The following SYNJ2BP variants were observed in gnomAD, a reference collection of about 807,000 sequenced individuals.
The protein encoded by SYNJ2BP is synaptojanin 2 binding protein.
A neutral mutation model predicts 16.9 loss-of-function variants in SYNJ2BP; 10 were observed. That is an observed-to-expected ratio of 0.59 (90% CI 0.36 to 1.00). SYNJ2BP has a LOEUF of 1.00. Among genes scored for constraint, SYNJ2BP ranks in the 50% least tolerant of loss-of-function variants. The pLI is 0.01. For synonymous variants in SYNJ2BP, 54 were observed against 68.4 expected (o/e 0.79, Z 1.04); for missense variants, 162 against 186.7 (o/e 0.87, Z 0.77).
At chr14:70,389,187 T>G (rs974269973) in intron 1 of SYNJ2BP, among the ~76,000 whole-genome samples, 1 of 152,200 alleles carries the variant, frequency 6.6e-6, no homozygotes, top group Admixed American at 6.5e-5. Context: ...ACATTCCTGA[T>G]ATTACTACAG....
rs994010744 is a variant in SYNJ2BP, at chr14:70,368,792, T to C, written c.*4199A>G. ...AATAGTGTCTTGTTTAAATGCTATA[T>C]AACATTTTCAACTGCGGCTGCACAC... is the stretch of plus-strand genomic sequence containing the variant. On this transcript the variant is annotated 3_prime_UTR_variant, in exon 4 of 4. Coordinates refer to ENST00000256366, the MANE Select transcript of SYNJ2BP (RefSeq NM_018373.3). 6.6e-6 allele frequency: 1 copy of C among 152,220 alleles called. No homozygotes were observed. The highest frequency in any genetic ancestry group is 1.5e-5 in the Non-Finnish European group (1 of 68,036). 9.4% of individuals were successfully genotyped at this position (152,220 alleles called of 1,614,324 possible). A position where few individuals can be genotyped will look rare whatever the true frequency, so the allele number is the denominator to read the frequency against.
intron 2 of SYNJ2BP, among the ~76,000 whole-genome samples, chr14:70,379,214 G>C (rs1238186935): frequency 1.3e-5 from 2 of 152,106 alleles, no homozygotes; most frequent in African/African-American, 4.8e-5. Context: ...TCAAATACTA[G>C]GTCTCCAGAT....
intron 1 of SYNJ2BP, 128 bp from the exon 2 acceptor site, chr14:70,388,734 T>C: frequency 7.6e-7 from 1 of 1,315,966 alleles, no homozygotes; most frequent in Non-Finnish European, 9.7e-7. Context: ...TGCTGGCGAG[T>C]CAGCCTGTGA....
intron 1 of SYNJ2BP, among the ~76,000 whole-genome samples, chr14:70,389,097 C>A (rs1206326647): frequency 6.6e-6 from 1 of 151,954 alleles, no homozygotes; most frequent in Non-Finnish European, 1.5e-5. Context: ...TGTGAGCCAC[C>A]ATGCCCAGCC....
intron 1 of SYNJ2BP, among the ~76,000 whole-genome samples, chr14:70,403,377 T>C (rs1485451914): frequency 6.6e-6 from 1 of 152,192 alleles, no homozygotes; most frequent in Non-Finnish European, 1.5e-5. Flanking sequence ...CCATCTTGAA[T>C]AGGAGCTAGG....
At chr14:70,410,379 G>A (rs895148064) in intron 1 of SYNJ2BP, among the ~76,000 whole-genome samples, 4 of 152,172 alleles carry the variant, frequency 2.6e-5, no homozygotes, top group South Asian at 2.1e-4. Context: ...AGCCAAGATC[G>A]TGCCACTGCA....
chr14:70,401,525 C>CTTTTT (rs71105709), intron 1 of SYNJ2BP, among the ~76,000 whole-genome samples: 3 of 126,884 alleles, frequency 2.4e-5, no homozygotes, highest in East Asian at 2.3e-4. Context: ...TGGTTCTTGG[C>CTTTTT]TTTTTTTTTT....
Position 70,368,773 on chromosome 14 carries a change from G to A in SYNJ2BP, c.*4218C>T, listed in dbSNP as rs537399202. On this transcript the variant is annotated 3_prime_UTR_variant, in exon 4 of 4. Coordinates refer to ENST00000256366, the MANE Select transcript of SYNJ2BP (RefSeq NM_018373.3). ...TTTAAATAGTGTTTAATTAAATAGT[G>A]TCTTGTTTAAATGCTATATAACATT... 1 of 152,270 alleles carries A rather than the reference G, an allele frequency of 6.6e-6. No homozygotes were observed. Among genetic ancestry groups the A allele is most frequent in the African/African-American group, 2.4e-5 (1 of 41,546 alleles). The allele number at this position is 152,270 out of a possible 1,614,324, so 9.4% of individuals were successfully genotyped here.
intron 2 of SYNJ2BP, among the ~76,000 whole-genome samples, chr14:70,385,811 G>C (rs1887848180): frequency 2.6e-5 from 4 of 152,060 alleles, no homozygotes; most frequent in Admixed American, 2.0e-4. Context: ...TAACATAGTG[G>C]TTTAAAAAAA....
chr14:70,397,270 A>T (rs915551218), intron 1 of SYNJ2BP, among the ~76,000 whole-genome samples: 6 of 152,126 alleles, frequency 3.9e-5, no homozygotes, highest in African/African-American at 1.4e-4. Flanking sequence ...TGTTCTATAT[A>T]TATATATACG....
intron 1 of SYNJ2BP, among the ~76,000 whole-genome samples, chr14:70,391,377 T>C (rs1887977991): frequency 6.6e-6 from 1 of 152,210 alleles, no homozygotes; most frequent in Admixed American, 6.5e-5. Flanking sequence ...ACTTACTAAA[T>C]GATTTTCTTA....
At chr14:70,404,840 G>A (rs532146985) in intron 1 of SYNJ2BP, among the ~76,000 whole-genome samples, 143 of 152,294 alleles carry the variant, frequency 9.4e-4, no homozygotes, top group African/African-American at 3.2e-3. Flanking sequence ...AATTAAATAA[G>A]GAGGGCCAGG....
At chr14:70,374,496 G>A (rs796682305) in intron 3 of SYNJ2BP, among the ~76,000 whole-genome samples, 5 of 152,294 alleles carry the variant, frequency 3.3e-5, no homozygotes, top group African/African-American at 1.2e-4. Context: ...AAGGCACATG[G>A]AACCTGTTTT....
At position 70,381,512 on chromosome 14, in the gene SYNJ2BP, T is replaced by G. The variant is rs894020277; in HGVS notation, c.202-5741A>C. The stretch of plus-strand genomic sequence containing the variant: ...CAAAATTGAATTTGCTCTCCAATAC[T>G]GACATCCTCTAAGCATTTTTAGATT... On this transcript the variant is annotated intron_variant, in intron 2 of 3. Transcript: ENST00000256366. 2.6e-4 allele frequency among the ~76,000 whole-genome samples: 39 copies of G among 152,358 alleles called. 1 individual carries two copies. Among genetic ancestry groups the G allele is most frequent in the Middle Eastern group, 3.4e-3 (1 of 294 alleles).
chr14:70,386,798 GA>G (rs1415037848), intron 2 of SYNJ2BP, among the ~76,000 whole-genome samples: 1 of 151,248 alleles, frequency 6.6e-6, no homozygotes, highest in African/African-American at 2.4e-5. Flanking sequence ...GAAGTAATGT[GA>G]AAGGGAAAAT....
At chr14:70,395,364 A>G (rs140241290) in intron 1 of SYNJ2BP, among the ~76,000 whole-genome samples, 1 of 152,244 alleles carries the variant, frequency 6.6e-6, no homozygotes, top group Admixed American at 6.5e-5. Flanking sequence ...GATTATAGCC[A>G]CTTGTTGAGT....
intron 1 of SYNJ2BP, among the ~76,000 whole-genome samples, chr14:70,411,755 A>C (rs1888477356): frequency 6.6e-6 from 1 of 152,186 alleles, no homozygotes; most frequent in African/African-American, 2.4e-5. Context: ...TGCATTCTTG[A>C]ACTTTCCCAA....
At chr14:70,398,208 G>A (rs775199259) in intron 1 of SYNJ2BP, among the ~76,000 whole-genome samples, 2 of 152,162 alleles carry the variant, frequency 1.3e-5, no homozygotes, top group Non-Finnish European at 2.9e-5. Flanking sequence ...ACTGGTCCAT[G>A]GGCAGCCACA....
rs1284317748 is a variant in SYNJ2BP, at chr14:70,372,283, T to A, written c.*708A>T. On this transcript the variant is annotated 3_prime_UTR_variant, in exon 4 of 4. Coordinates refer to ENST00000256366, the MANE Select transcript of SYNJ2BP (RefSeq NM_018373.3). ...CACCTCTCCCAGTCTCAGTTATTAT[T>A]TTAATAAATGAGACTGAACGTCCTC... 1 of 152,512 alleles carries A rather than the reference T, an allele frequency of 6.6e-6. No homozygotes were observed. Among genetic ancestry groups the A allele is most frequent in the Non-Finnish European group, 1.5e-5 (1 of 68,040 alleles). The allele number at this position is 152,512 out of a possible 1,614,324, so 9.4% of individuals were successfully genotyped here.
Sources: allele counts gnomAD v4.1 joint callset (sites outside exome capture counted in the v4.1 genomes callset), GRCh38; gene constraint gnomAD v4.1.1; transcripts MANE v1.5; gene names NCBI Gene and HGNC (gene_info 2026-07-23, HGNC 2026-07-21).